The following OR51E2 variants were observed in gnomAD, a reference collection of about 807,000 sequenced individuals.
The protein encoded by OR51E2 is olfactory receptor 51E2.
Under a neutral mutation model 13.7 loss-of-function variants are expected in OR51E2, and 14 were observed. The ratio of observed to expected loss-of-function variants is 1.02; its 90% CI spans 0.68 to 1.60. OR51E2 has a LOEUF of 1.60. Ranked by LOEUF, OR51E2 falls within the 40% of genes most tolerant of loss-of-function variation. The pLI is 0.00. For missense variants in OR51E2, 483 were observed against 413.8 expected (o/e 1.17, Z -1.45); for synonymous variants, 180 against 157.6 (o/e 1.14, Z -1.07).
chr11:4,693,297 CAGAA>C (rs1847609022), intron 1 of OR51E2, among the ~76,000 whole-genome samples: 1 of 152,082 alleles, frequency 6.6e-6, no homozygotes, highest in Non-Finnish European at 1.5e-5. Flanking sequence ...AAGGAATTAC[CAGAA>C]AGAGAGCATT....
chr11:4,696,889 A>G (rs997833560), intron 1 of OR51E2, among the ~76,000 whole-genome samples: 7 of 152,152 alleles, frequency 4.6e-5, no homozygotes, highest in African/African-American at 1.7e-4. Context: ...ATCATGTGTG[A>G]CTGACCTGGG....
chr11:4,681,995 G>A lies in OR51E2; in HGVS notation c.717C>T (p.Thr239=), dbSNP rs150753873. Residue 239 remains threonine, a synonymous_variant, in exon 2 of 2, where the codon ACC becomes ACT. Transcript: ENST00000396950. ...GTACCACACCAATGTGTGACACACA[G>A]GTTCCAAAGGCCTTGGCCCGCTCTG... ...SKSERAKAFG[T]CVSHIGVVLA... 1.2e-6 allele frequency: 2 copies of A among 1,614,122 alleles called. No homozygotes were observed. Among genetic ancestry groups the A allele is most frequent in the Non-Finnish European group, 1.7e-6 (2 of 1,180,056 alleles).
At chr11:4,690,591 T>C (rs958954468) in intron 1 of OR51E2, 1 of 256,722 alleles carries the variant, frequency 3.9e-6, no homozygotes, top group Non-Finnish European at 7.7e-6. Context: ...GAAAATAAAG[T>C]AGTCAAACTA....
Position 4,688,849 on chromosome 11 carries a change from G to A in OR51E2, c.-50-6088C>T, listed in dbSNP as rs1342156740. On this transcript the variant is annotated intron_variant, in intron 1 of 1. Transcript: ENST00000396950. ...GATGTAGCATCGGGGTGATAGAAAG[G>A]CATCAGGGATAACTCCAAGTGCTTT... Among the ~76,000 whole-genome samples the A allele has an allele frequency of 2.6e-5, 4 of 152,178 alleles. 1 individual carries two copies. In the South Asian group the frequency reaches 6.2e-4, roughly 24 times the overall value.
intron 1 of OR51E2, chr11:4,691,483 C>T (rs1257702631): frequency 1.8e-5 from 8 of 456,038 alleles, no homozygotes; most frequent in Non-Finnish European, 2.7e-5. Flanking sequence ...ATGGACAGGC[C>T]GAGGTCAGTG....
intron 1 of OR51E2, among the ~76,000 whole-genome samples, chr11:4,692,492 T>C (rs1847595116): frequency 6.6e-6 from 1 of 152,250 alleles, no homozygotes; most frequent in Non-Finnish European, 1.5e-5. Context: ...ACATACTTCT[T>C]AGGAGATACC....
intron 1 of OR51E2, chr11:4,691,549 T>A (rs1256730016): frequency 2.2e-6 from 1 of 456,964 alleles, no homozygotes; most frequent in Non-Finnish European, 4.4e-6. Flanking sequence ...GGCTGAGTGA[T>A]GGTAGCGAAG....
intron 1 of OR51E2, among the ~76,000 whole-genome samples, chr11:4,696,254 C>T (rs1008295806): frequency 6.6e-6 from 1 of 152,130 alleles, no homozygotes; most frequent in African/African-American, 2.4e-5. Flanking sequence ...AAATGGAACT[C>T]ATTCTCTCGT....
In OR51E2 at chr11:4,681,122, C is replaced by G. The variant is rs191037001; in HGVS notation, c.*627G>C. ...ATCCCAACACTTTGGGAGGCTGAGG[C>G]GGGTGGATCACAAGGTCAGGAGATC... On this transcript the variant is annotated 3_prime_UTR_variant, in exon 2 of 2. Transcript: ENST00000396950. The G allele has an allele frequency of 6.4e-6, 1 of 155,200 alleles. No homozygotes were observed. The highest frequency in any genetic ancestry group is 2.0e-4 in the South Asian group (1 of 4,984). The allele number at this position is 155,200 out of a possible 1,614,324, so 9.6% of individuals were successfully genotyped here. A position where few individuals can be genotyped will look rare whatever the true frequency, so the allele number is the denominator to read the frequency against.
intron 1 of OR51E2, chr11:4,692,157 T>C (rs1847590108): frequency 2.2e-6 from 1 of 452,572 alleles, no homozygotes; most frequent in South Asian, 1.6e-5. Flanking sequence ...CAATATTACA[T>C]TGGTCATAAG....
intron 1 of OR51E2, chr11:4,690,421 G>A (rs1204879655): frequency 6.4e-6 from 1 of 156,790 alleles, no homozygotes; most frequent in Non-Finnish European, 1.4e-5. Context: ...TCATTCTAAA[G>A]GCTATGAAGT....
rs77731458 is a variant in OR51E2, at chr11:4,693,971, A to G, written c.-51+3682T>C. ...ACAGCGATGAATAATAAAAATGGTT[A>G]TGAAAGTACAGAGGGGCTCCATTTA... On this transcript the variant is annotated intron_variant, in intron 1 of 1. Transcript: ENST00000396950. Among the ~76,000 whole-genome samples the G allele has an allele frequency of 4.4e-3, 671 of 152,354 alleles. 8 individuals are homozygous for G. The highest frequency in any genetic ancestry group is 0.015 in the African/African-American group (644 of 41,584).
chr11:4,684,053 G>C (rs966155054), intron 1 of OR51E2, among the ~76,000 whole-genome samples: 1 of 152,170 alleles, frequency 6.6e-6, no homozygotes, highest in South Asian at 2.1e-4. Context: ...TTAATGTAGA[G>C]GGGTTAGATA....
intron 1 of OR51E2, among the ~76,000 whole-genome samples, chr11:4,689,312 A>T (rs1044044727): frequency 3.9e-5 from 6 of 152,208 alleles, no homozygotes; most frequent in African/African-American, 1.4e-4. Flanking sequence ...CCAGAAAAGA[A>T]ACAGCCTATA....
At chr11:4,687,606 T>C (rs1847530697) in intron 1 of OR51E2, among the ~76,000 whole-genome samples, 1 of 152,234 alleles carries the variant, frequency 6.6e-6, no homozygotes, top group South Asian at 2.1e-4. Flanking sequence ...ATAGTATTTC[T>C]TCATTAATTC....
rs758421928 is a variant in OR51E2 at position 4,697,672 on chromosome 11, G to A, written c.-70C>T. The stretch of plus-strand genomic sequence containing the variant: ...ACTTACAGAGCCCATACAGCAGTTC[G>A]GCCTGTTCCTTTCAGGCTGACTCAG... On this transcript the variant is annotated 5_prime_UTR_variant, in exon 1 of 2. Coordinates refer to ENST00000396950, the MANE Select transcript of OR51E2 (RefSeq NM_030774.4). The A allele has an allele frequency of 6.6e-5, 10 of 152,556 alleles. No homozygotes were observed. The highest frequency in any genetic ancestry group is 2.1e-4 in the South Asian group (1 of 4,824). The allele number at this position is 152,556 out of a possible 1,614,324, so 9.5% of individuals were successfully genotyped here. A position where few individuals can be genotyped will look rare whatever the true frequency, so the allele number is the denominator to read the frequency against.
chr11:4,681,811 G>A lies in OR51E2; in HGVS notation c.901C>T (p.Arg301Trp), dbSNP rs763121287. The A allele has an allele frequency of 8.1e-6, 13 of 1,614,168 alleles. 1 individual carries two copies. The highest frequency in any genetic ancestry group is 6.7e-5 in the East Asian group (3 of 44,876). The change falls in exon 2 of 2, where the codon CGG becomes TGG. Residue 301 changes from arginine (R) to tryptophan (W), a missense_variant. By Grantham distance (101) the Arg-to-Trp change is moderately radical. Coordinates refer to ENST00000396950, the MANE Select transcript of OR51E2 (RefSeq NM_030774.4). ...CTGATCTTGAACATAGCCAGCACCC[G>A]TGTTCTGATCTGTTTGGTTTTGGCA... ...YGAKTKQIRT[R>W]VLAMFKISCD... is the part of the protein sequence containing the mutation.
chr11:4,682,429 C>T lies in OR51E2; in HGVS notation c.283G>A (p.Ala95Thr). The change falls in exon 2 of 2, where the codon GCC becomes ACC. Residue 95 changes from alanine to threonine, a missense_variant. Coordinates refer to ENST00000396950, the MANE Select transcript of OR51E2 (RefSeq NM_030774.4). ...ATAAAGAACATCTGGGTAAGACAGG[C>T]CTCAAAGCTAATCTCTCGGGAATCA... ...WFDSREISFE[A>T]CLTQMFFIHA... The T allele has an allele frequency of 1.2e-6, 2 of 1,614,120 alleles. No individual in the cohort carries two copies. The highest frequency in any genetic ancestry group is 1.7e-6 in the Non-Finnish European group (2 of 1,180,016).
intron 1 of OR51E2, among the ~76,000 whole-genome samples, chr11:4,683,152 T>C (rs1847477197): frequency 6.6e-6 from 1 of 152,192 alleles, no homozygotes; most frequent in South Asian, 2.1e-4. Flanking sequence ...CTTTCTTTCT[T>C]TCTATTATTC....
Sources: gnomAD v4.1 joint callset for allele counts (sites outside exome capture counted in the v4.1 genomes callset) on GRCh38, gnomAD v4.1.1 for gene constraint, MANE v1.5 for transcripts, NCBI Gene and HGNC (gene_info 2026-07-23, HGNC 2026-07-21) for gene names.